GLIS3: variants seen among roughly 807,000 people sequenced by gnomAD.
GLIS3 encodes zinc finger protein GLIS3.
In GLIS3, 53 loss-of-function variants were observed where a neutral mutation model predicts 78.6. The ratio of observed to expected loss-of-function variants is 0.67; its 90% CI spans 0.54 to 0.85. The LOEUF is 0.85. GLIS3 is among the 40% of genes least tolerant of loss of function. The pLI is 0.00. For missense variants in GLIS3, 1,703 were observed against 1,231.1 expected (o/e 1.38, Z -5.74); for synonymous variants, 684 against 509.9 (o/e 1.34, Z -4.60).
upstream of GLIS3, among the ~76,000 whole-genome samples, chr9:4,302,307 T>C (rs571957359): frequency 7.6e-4 from 115 of 152,300 alleles, 2 homozygotes; most frequent in Middle Eastern, 0.01. Context: ...CTTCCCTCTC[T>C]AGAGACCAGT....
the GLIS3 span, among the ~76,000 whole-genome samples, chr9:4,474,721 G>T: frequency 7.1e-6 from 1 of 140,156 alleles, no homozygotes; most frequent in East Asian, 2.0e-4. Context: ...TTTTGAGATG[G>T]CGTCTTGTTC....
chr9:4,316,434 G>C (rs183011831), intron 2 of GLIS3, among the ~76,000 whole-genome samples: 5 of 152,290 alleles, frequency 3.3e-5, no homozygotes, highest in East Asian at 1.9e-4. Flanking sequence ...TAGTACAGCA[G>C]GTCCTTAAAT....
At chr9:4,313,787 C>A (rs1321642103) in intron 2 of GLIS3, among the ~76,000 whole-genome samples, 2 of 152,228 alleles carry the variant, frequency 1.3e-5, no homozygotes, top group East Asian at 3.8e-4. Flanking sequence ...GTCTCAAGTG[C>A]ACGTGGACTT....
At position 4,152,090 on chromosome 9, in the gene GLIS3, A is replaced by G. The variant is rs76949217; in HGVS notation, c.389-26149T>C. ...ACCTAGACAACAAACAAGTAACACA[A>G]TATTTTTCTACGGCCATTCAAACCT... On this transcript the variant is annotated intron_variant, in intron 2 of 10. Coordinates refer to ENST00000381971, the MANE Select transcript of GLIS3 (RefSeq NM_001042413.2). 8,044 of 972,270 alleles carry G rather than the reference A, an allele frequency of 8.3e-3. 478 individuals carry two copies. The African/African-American group carries it at 0.13, about 15-fold the overall frequency. The allele number at this position is 972,270 out of a possible 1,614,324, so 60.2% of individuals were successfully genotyped here.
chr9:3,838,340 G>A (rs1156854033), intron 9 of GLIS3, among the ~76,000 whole-genome samples: 1 of 151,670 alleles, frequency 6.6e-6, no homozygotes, highest in Non-Finnish European at 1.5e-5. Context: ...CAGTACTTAA[G>A]AGAGACCTAC....
chr9:4,349,512 A>T (rs1309074401), upstream of GLIS3, among the ~76,000 whole-genome samples: 1 of 152,228 alleles, frequency 6.6e-6, no homozygotes, highest in African/African-American at 2.4e-5. Flanking sequence ...GGAAATGGTC[A>T]TTGCACAGAA....
the GLIS3 span, among the ~76,000 whole-genome samples, chr9:4,381,873 C>T: frequency 3.3e-5 from 5 of 152,196 alleles, no homozygotes; most frequent in South Asian, 4.1e-4. Context: ...AGTAGCTGTG[C>T]CCCTTCAGTG....
the GLIS3 span, among the ~76,000 whole-genome samples, chr9:4,454,180 A>G: frequency 6.6e-6 from 1 of 151,456 alleles, no homozygotes; most frequent in Non-Finnish European, 1.5e-5. Context: ...AGAAGAAAGA[A>G]AAAAACCAGA....
the GLIS3 span, among the ~76,000 whole-genome samples, chr9:4,439,173 C>T: frequency 1.3e-5 from 2 of 152,122 alleles, no homozygotes; most frequent in Admixed American, 6.6e-5. Flanking sequence ...CTAATCATCC[C>T]TGTAAGTATA....
the GLIS3 span, among the ~76,000 whole-genome samples, chr9:4,354,645 C>G: frequency 6.6e-6 from 1 of 152,140 alleles, no homozygotes; most frequent in Non-Finnish European, 1.5e-5. Flanking sequence ...GGGGCTTTCT[C>G]GAGCCTCTCA....
chr9:4,097,997 T>A (rs1280755921), intron 4 of GLIS3, among the ~76,000 whole-genome samples: 1 of 152,214 alleles, frequency 6.6e-6, no homozygotes, highest in Non-Finnish European at 1.5e-5. Flanking sequence ...TTTACGTATA[T>A]CAGAAATAGT....
intron 4 of GLIS3, among the ~76,000 whole-genome samples, chr9:4,308,297 C>A (rs1354708758): frequency 6.6e-6 from 1 of 151,834 alleles, no homozygotes; most frequent in African/African-American, 2.4e-5. Flanking sequence ...AGGAGAGCAG[C>A]AGGGGGATGC....
chr9:4,418,402 G>T, the GLIS3 span, among the ~76,000 whole-genome samples: 2 of 152,180 alleles, frequency 1.3e-5, no homozygotes, highest in African/African-American at 4.8e-5. Context: ...TACAGGATTT[G>T]CTCTATCTGT....
intron 4 of GLIS3, among the ~76,000 whole-genome samples, chr9:3,959,921 GCAGGCGGACCACCTGAGGT>G (rs1312492237): frequency 6.6e-6 from 1 of 152,194 alleles, no homozygotes; most frequent in Non-Finnish European, 1.5e-5. Context: ...GGAGGCCGAG[GCAGGCGGACCACCTGAGGT>G]CAGGAGTTCA....
chr9:3,912,794 A>G (rs1212893706), intron 6 of GLIS3, among the ~76,000 whole-genome samples: 1 of 152,186 alleles, frequency 6.6e-6, no homozygotes. Context: ...AAACAGAGAA[A>G]TGTTAATACG....
At position 4,209,293 on chromosome 9, in the gene GLIS3, G is replaced by C. The variant is rs149523265; in HGVS notation, c.388+76745C>G. On this transcript the variant is annotated intron_variant, in intron 2 of 10. Transcript: ENST00000381971. The stretch of plus-strand genomic sequence containing the variant: ...TGCTCCTTCCTGAAGATTTTCAACA[G>C]GTGCTTGTGCTACCTCCTTTCTGGG... 5.8e-3 allele frequency among the ~76,000 whole-genome samples: 888 copies of C among 152,212 alleles called. 16 individuals carry two copies. The highest frequency in any genetic ancestry group is 0.02 in the African/African-American group (814 of 41,510).
At chr9:4,253,886 C>A (rs200260987) in intron 2 of GLIS3, among the ~76,000 whole-genome samples, 2 of 152,164 alleles carry the variant, frequency 1.3e-5, no homozygotes, top group Non-Finnish European at 2.9e-5. Context: ...TTGCACTTCC[C>A]GGGTAAGGTG....
chr9:4,327,158 A>T (rs866480101), intron 2 of GLIS3, among the ~76,000 whole-genome samples: 1 of 152,218 alleles, frequency 6.6e-6, no homozygotes, highest in Non-Finnish European at 1.5e-5. Flanking sequence ...CAGTTGGTGT[A>T]GAGGTGAGAA....
At chr9:3,925,713 G>A (rs1048678761) in intron 6 of GLIS3, among the ~76,000 whole-genome samples, 2 of 152,032 alleles carry the variant, frequency 1.3e-5, no homozygotes, top group African/African-American at 4.8e-5. Context: ...TTAAACAATT[G>A]GGAAAATAAT....
Sources: gnomAD v4.1 joint callset for allele counts (sites outside exome capture counted in the v4.1 genomes callset) on GRCh38, gnomAD v4.1.1 for gene constraint, MANE v1.5 for transcripts, NCBI Gene and HGNC (gene_info 2026-07-23, HGNC 2026-07-21) for gene names.